PTPRO: variants seen among roughly 807,000 people sequenced by gnomAD.
PTPRO encodes the protein receptor-type tyrosine-protein phosphatase O.
A neutral mutation model predicts 145.2 loss-of-function variants in PTPRO; 62 were observed. That is an observed-to-expected ratio of 0.43 (90% CI 0.35 to 0.53). The LOEUF is 0.53. Among genes scored for constraint, PTPRO ranks in the 20% least tolerant of loss-of-function variants. The pLI, the probability that PTPRO is intolerant of heterozygous loss-of-function variation, is 0.01. For missense variants in PTPRO, 1,345 were observed against 1,482.7 expected, an observed-to-expected ratio of 0.91 and a Z score of 1.53; for synonymous variants, 565 against 514.7, an observed-to-expected ratio of 1.10 and a Z score of -1.32.
rs74465479 is a variant in PTPRO at position 15,419,804 on chromosome 12, A to G, written c.76-64170A>G. 5.3e-5 allele frequency among the ~76,000 whole-genome samples: 8 copies of G among 151,648 alleles called. No individual in the cohort carries two copies. The East Asian group carries it at 1.5e-3, about 29-fold the overall frequency. ...AGAATTTGTCGAGATTACTAGATGT[A>G]CATTCAAAACATCCATTCAACAAAC... On this transcript the variant is annotated intron_variant, in intron 1 of 26. Transcript: ENST00000281171.
intron 1 of PTPRO, among the ~76,000 whole-genome samples, chr12:15,335,141 C>T (rs2136205985): frequency 1.3e-5 from 2 of 152,114 alleles, no homozygotes; most frequent in South Asian, 4.2e-4. Flanking sequence ...CTGCCAAATA[C>T]CACAAAGTAT....
intron 1 of PTPRO, among the ~76,000 whole-genome samples, chr12:15,371,127 A>G (rs1938514570): frequency 6.6e-6 from 1 of 152,206 alleles, no homozygotes; most frequent in Non-Finnish European, 1.5e-5. Flanking sequence ...CACAATAAGC[A>G]AGTATTGTAT....
intron 24 of PTPRO, among the ~76,000 whole-genome samples, 184 bp from the exon 25 acceptor site, chr12:15,589,271 G>A (rs920309173): frequency 2.0e-5 from 3 of 152,072 alleles, no homozygotes; most frequent in Admixed American, 2.0e-4. Flanking sequence ...AGCTACTCAG[G>A]AGGGTGAGGC....
chr12:15,593,179 C>T (rs950269216), intron 25 of PTPRO, among the ~76,000 whole-genome samples: 2 of 152,154 alleles, frequency 1.3e-5, no homozygotes, highest in Admixed American at 1.3e-4. Context: ...ACCATCACCA[C>T]AAAAGGGAAT....
intron 1 of PTPRO, chr12:15,410,236 C>T (rs1201036487): frequency 2.0e-5 from 3 of 152,168 alleles, no homozygotes; most frequent in Non-Finnish European, 4.4e-5. Context: ...GTCAACTTGA[C>T]TTGGCCATGG....
chr12:15,376,269 A>C (rs1029763977), intron 1 of PTPRO, among the ~76,000 whole-genome samples: 1 of 152,180 alleles, frequency 6.6e-6, no homozygotes, highest in African/African-American at 2.4e-5. Flanking sequence ...TCTCATCAGA[A>C]ATCAGGGAGG....
chr12:15,428,495 G>A (rs943525839), intron 1 of PTPRO, among the ~76,000 whole-genome samples: 7 of 151,980 alleles, frequency 4.6e-5, no homozygotes, highest in African/African-American at 1.7e-4. Context: ...CTTATAAGGG[G>A]ATCATATATA....
At chr12:15,552,817 T>TG (rs1943503484) in intron 15 of PTPRO, among the ~76,000 whole-genome samples, 1 of 147,868 alleles carries the variant, frequency 6.8e-6, no homozygotes, top group African/African-American at 2.5e-5. Context: ...TTTTTTTTTT[T>TG]GAGACAGAGT....
At position 15,597,609 on chromosome 12, in the gene PTPRO, G is replaced by T. The variant is rs188497424; in HGVS notation, c.*1536G>T. ...CCCCACCGTCTCTTGTCACTGAAAAGGCTTGGCCATGGCAGACCTTGGCAG... is the reference window on the plus strand; with the variant it reads ...CCCCACCGTCTCTTGTCACTGAAAATGCTTGGCCATGGCAGACCTTGGCAG... On this transcript the variant is annotated 3_prime_UTR_variant, in exon 27 of 27. Transcript: ENST00000281171. Among the ~76,000 whole-genome samples the T allele has an allele frequency of 6.6e-6, 1 of 152,320 alleles. No individual in the cohort carries two copies. Among genetic ancestry groups the T allele is most frequent in the Admixed American group, 6.5e-5 (1 of 15,300 alleles).
chr12:15,397,380 A>G (rs1399646300), intron 1 of PTPRO, among the ~76,000 whole-genome samples: 3 of 152,240 alleles, frequency 2.0e-5, no homozygotes, highest in Admixed American at 6.5e-5. Context: ...CTCATTTTAT[A>G]GACAATACAA....
At chr12:15,538,037 A>G (rs1591702549) in intron 12 of PTPRO, among the ~76,000 whole-genome samples, 1 of 151,874 alleles carries the variant, frequency 6.6e-6, no homozygotes, top group Non-Finnish European at 1.5e-5. Flanking sequence ...TCTGATATAT[A>G]CCTCCATGGC....
At chr12:15,461,867 G>A (rs1941311853) in intron 1 of PTPRO, among the ~76,000 whole-genome samples, 1 of 151,860 alleles carries the variant, frequency 6.6e-6, no homozygotes, top group Non-Finnish European at 1.5e-5. Flanking sequence ...TGCCTGGCCT[G>A]CTACAGCATT....
chr12:15,516,791 C>A lies in PTPRO; in HGVS notation c.1614C>A (p.Leu538=). Residue 538 remains leucine, a synonymous_variant, in exon 9 of 27, where the codon CTC becomes CTA. Transcript: ENST00000281171. The stretch of plus-strand genomic sequence containing the variant: ...CCACAGGAATAAAGGATTTAATGCT[C>A]TATCCTTTGGGTCCTACGGCCGTGG... ...IVPTGIKDLM[L]YPLGPTAVVL... is the part of the protein sequence containing the mutation. The A allele has an allele frequency of 6.2e-7, 1 of 1,610,702 alleles. No homozygotes were observed. The highest frequency in any genetic ancestry group is 8.5e-7 in the Non-Finnish European group (1 of 1,176,848).
chr12:15,462,621 A>C (rs1018118204), intron 1 of PTPRO, among the ~76,000 whole-genome samples: 1 of 152,210 alleles, frequency 6.6e-6, no homozygotes, highest in Non-Finnish European at 1.5e-5. Context: ...AAGCACTAAA[A>C]ATAATTGCTT....
chr12:15,403,235 G>A (rs1939548966), intron 1 of PTPRO, among the ~76,000 whole-genome samples: 1 of 152,116 alleles, frequency 6.6e-6, no homozygotes, highest in Admixed American at 6.5e-5. Flanking sequence ...ATTTCTGGCA[G>A]TTCTTTTTCT....
chr12:15,401,927 C>T (rs544380293), intron 1 of PTPRO, among the ~76,000 whole-genome samples: 22 of 152,254 alleles, frequency 1.4e-4, no homozygotes, highest in Admixed American at 3.3e-4. Context: ...GCCTCTTAAA[C>T]GCAGAAATGG....
At chr12:15,355,607 C>T (rs1426533602) in intron 1 of PTPRO, among the ~76,000 whole-genome samples, 1 of 152,172 alleles carries the variant, frequency 6.6e-6, no homozygotes, top group Non-Finnish European at 1.5e-5. Flanking sequence ...AATTCTATTT[C>T]TTTCTCCTCA....
chr12:15,365,979 T>C (rs1233324519), intron 1 of PTPRO, among the ~76,000 whole-genome samples: 1 of 152,188 alleles, frequency 6.6e-6, no homozygotes, highest in African/African-American at 2.4e-5. Context: ...TTATAGCTAA[T>C]TGACAGAGTG....
At chr12:15,511,590 C>T (rs1244177440) in intron 7 of PTPRO, among the ~76,000 whole-genome samples, 3 of 152,190 alleles carry the variant, frequency 2.0e-5, no homozygotes, top group Non-Finnish European at 4.4e-5. Flanking sequence ...GACGGAGTCT[C>T]GCTCTGCTGC....
Sources: allele counts gnomAD v4.1 joint callset (sites outside exome capture counted in the v4.1 genomes callset), GRCh38; gene constraint gnomAD v4.1.1; transcripts MANE v1.5; gene names NCBI Gene and HGNC (gene_info 2026-07-23, HGNC 2026-07-21).